Variants in NAV1 observed in about 807,000 individuals in gnomAD.
NAV1 encodes the protein neuron navigator 1, also known as pore membrane and/or filament interacting like protein 3.
A neutral mutation model predicts 175.2 loss-of-function variants in NAV1; 18 were observed. The ratio of observed to expected loss-of-function variants is 0.10; its 90% confidence interval spans 0.07 to 0.15. The LOEUF is 0.15. NAV1 is among the 10% of genes least tolerant of loss of function. The pLI is 1.00. For synonymous variants in NAV1, 897 were observed against 978.7 expected, an observed-to-expected ratio of 0.92 and a Z score of 1.56; for missense variants, 1,731 against 2,436.6, an observed-to-expected ratio of 0.71 and a Z score of 6.10.
chr1:201,567,891 A>G (rs1184722294), intron 1 of NAV1, among the ~76,000 whole-genome samples: 3 of 152,176 alleles, frequency 2.0e-5, no homozygotes, highest in Admixed American at 2.0e-4. Context: ...TCTATGTGGC[A>G]CGGAGCAAGG....
rs377567697 is a variant in NAV1 at position 201,734,473 on chromosome 1, G to A, written c.1226+15718G>A. On this transcript the variant is annotated intron_variant, in intron 3 of 29. Coordinates refer to ENST00000367296, the Ensembl canonical transcript of NAV1. ...AAGAGGAGGAGGAGGAGGAGGAAGAGGAGGAGGAGGAGGAAGAAGGAGAAG... is the reference window on the plus strand; with the variant it reads ...AAGAGGAGGAGGAGGAGGAGGAAGAAGAGGAGGAGGAGGAAGAAGGAGAAG... 8.6e-4 allele frequency among the ~76,000 whole-genome samples: 52 copies of A among 60,722 alleles called. 1 individual carries two copies. The highest frequency in any genetic ancestry group is 2.0e-3 in the Non-Finnish European group (51 of 25,370). The allele number at this position is 60,722 out of a possible 152,430, so 39.8% of individuals were successfully genotyped here.
chr1:201,684,513 C>T (rs1210872100), intron 1 of NAV1, among the ~76,000 whole-genome samples: 1 of 133,234 alleles, frequency 7.5e-6, no homozygotes, highest in Non-Finnish European at 1.5e-5. Flanking sequence ...TCACTCTTGT[C>T]GCCCAGGCTG....
intron 1 of NAV1, among the ~76,000 whole-genome samples, chr1:201,553,409 T>C (rs1219590693): frequency 1.3e-5 from 2 of 152,242 alleles, no homozygotes; most frequent in African/African-American, 4.8e-5. Context: ...ATTTCAGGTC[T>C]AGAGAGAGAA....
rs189995092 is a variant in NAV1, at chr1:201,680,162, G to A, written c.757+30737G>A. 4.7e-3 allele frequency among the ~76,000 whole-genome samples: 721 copies of A among 152,292 alleles called. 6 individuals carry two copies. Among genetic ancestry groups the A allele is most frequent in the Non-Finnish European group, 6.6e-3 (448 of 68,028 alleles). ...CTTTTACTCATGGCAGAAGGTGAAC[G>A]GGGAGCGGGTGTGTCACACGGCAAG... is the stretch of plus-strand genomic sequence containing the variant. On this transcript the variant is annotated intron_variant, in intron 1 of 29. Transcript: ENST00000367296.
intron 1 of NAV1, among the ~76,000 whole-genome samples, chr1:201,712,301 G>A (rs570093691): frequency 6.6e-6 from 1 of 152,324 alleles, no homozygotes; most frequent in South Asian, 2.1e-4. Flanking sequence ...TCTGTGGTCA[G>A]TGACATCAGA....
intron 2 of NAV1, among the ~76,000 whole-genome samples, chr1:201,611,974 T>C (rs1233689607): frequency 6.6e-6 from 1 of 152,150 alleles, no homozygotes. Flanking sequence ...TATGTGTCAG[T>C]GTGTGAGCAC....
At chr1:201,611,509 G>T (rs1247872917) in intron 2 of NAV1, among the ~76,000 whole-genome samples, 2 of 152,200 alleles carry the variant, frequency 1.3e-5, no homozygotes, top group Non-Finnish European at 2.9e-5. Flanking sequence ...CGGAGAGGGG[G>T]CTGTGTGGTG....
chr1:201,607,225 C>T (rs1667710516), intron 2 of NAV1, among the ~76,000 whole-genome samples: 1 of 150,292 alleles, frequency 6.7e-6, no homozygotes, highest in Non-Finnish European at 1.5e-5. Flanking sequence ...AAGCGATTCT[C>T]CTGCCTTAGA....
At position 201,756,808 on chromosome 1, in the gene NAV1, CCTT is replaced by C. The variant is rs1357385176; in HGVS notation, c.1227-23609_1227-23607del. 2.2e-3 allele frequency among the ~76,000 whole-genome samples: 50 copies of C among 22,766 alleles called. 1 individual carries two copies. Among genetic ancestry groups the C allele is most frequent in the African/African-American group, 7.4e-3 (50 of 6,758 alleles). 14.9% of individuals were successfully genotyped at this position (22,766 alleles called of 152,430 possible). ...AATGAGCAATTCTCTTTCTTTCTTT[CCTT>C]CTTTCTTTCTTTCTTTCTTTCTTTC... On this transcript the variant is annotated intron_variant, in intron 3 of 29. Coordinates refer to ENST00000367296, the Ensembl canonical transcript of NAV1.
intron 2 of NAV1, among the ~76,000 whole-genome samples, chr1:201,604,499 T>A (rs1304435517): frequency 6.6e-6 from 1 of 152,122 alleles, no homozygotes; most frequent in East Asian, 1.9e-4. Context: ...CTAGCCAACA[T>A]GGTGAAACCC....
At chr1:201,574,712 T>C (rs1030733830) in intron 1 of NAV1, among the ~76,000 whole-genome samples, 1 of 152,218 alleles carries the variant, frequency 6.6e-6, no homozygotes, top group Non-Finnish European at 1.5e-5. Context: ...CTGTTGCCAC[T>C]GCCAGAAACT....
rs1376378717 is a variant in NAV1, at chr1:201,750,719, C to T, written c.1227-29702C>T. On this transcript the variant is annotated intron_variant, in intron 3 of 29. Coordinates refer to ENST00000367296, the Ensembl canonical transcript of NAV1. The surrounding 1 kb of genome is among the most constrained non-coding windows in gnomAD (Gnocchi z 4.1). Reference sequence around the variant, plus strand: ...ACTCACACCTACCACTTGGTTGATGCCCAGAGGGGCTGTCACCTCCCAATC... The same window carrying T: ...ACTCACACCTACCACTTGGTTGATGTCCAGAGGGGCTGTCACCTCCCAATC... 1.3e-5 allele frequency among the ~76,000 whole-genome samples: 2 copies of T among 151,940 alleles called. No individual in the cohort carries two copies. Among genetic ancestry groups the T allele is most frequent in the African/African-American group, 4.8e-5 (2 of 41,372 alleles).
At chr1:201,556,888 A>G (rs972030974) in intron 1 of NAV1, among the ~76,000 whole-genome samples, 2 of 152,212 alleles carry the variant, frequency 1.3e-5, no homozygotes, top group African/African-American at 4.8e-5. Flanking sequence ...TTCCCCCTGT[A>G]AAAACAGGGG....
At chr1:201,642,525 T>TTTCTTTCTTTCTTTCTTTCTTTC (rs1553247052) in intron 2 of NAV1, among the ~76,000 whole-genome samples, 3,352 of 100,306 alleles carry the variant, frequency 0.033, 216 homozygotes, top group African/African-American at 0.043. Flanking sequence ...TTCTTTCTTT[T>TTTCTTTCTTTCTTTCTTTCTTTC]TTTCTTTCTT....
intron 2 of NAV1, among the ~76,000 whole-genome samples, chr1:201,642,667 C>T (rs186426971): frequency 7.6e-5 from 10 of 132,058 alleles, no homozygotes; most frequent in Admixed American, 3.7e-4. Context: ...CCTTCCCTTC[C>T]TTCCCTCCCT....
intron 1 of NAV1, among the ~76,000 whole-genome samples, chr1:201,568,415 G>A (rs577033732): frequency 1.3e-5 from 2 of 152,224 alleles, no homozygotes; most frequent in Admixed American, 6.5e-5. Context: ...CCGGGGCTGC[G>A]TCCTGAATTC....
intron 11 of NAV1, among the ~76,000 whole-genome samples, chr1:201,790,316 G>A (rs1373531927): frequency 6.6e-6 from 1 of 152,110 alleles, no homozygotes; most frequent in African/African-American, 2.4e-5. Context: ...AGCCTTTTTG[G>A]CAATGACAAA....
At chr1:201,543,293 A>C (rs1172240413) in intron 1 of NAV1, among the ~76,000 whole-genome samples, 1 of 151,646 alleles carries the variant, frequency 6.6e-6, no homozygotes, top group Non-Finnish European at 1.5e-5. Context: ...TGTGTTGAGG[A>C]AATCATCTTC....
In NAV1 at chr1:201,579,096, G is replaced by A. The variant is rs1245820090; in HGVS notation, c.-143-9443G>A. 3.3e-5 allele frequency among the ~76,000 whole-genome samples: 5 copies of A among 151,952 alleles called. No individual in the cohort carries two copies. The Middle Eastern group carries it at 0.01, about 310-fold the overall frequency. ...TGCAGTGAGCCAAGATCACACCGTT[G>A]CACTCTAGCCTGAGCGGCAAGAGCA... On this transcript the variant is annotated intron_variant, in intron 1 of 33. Transcript: ENST00000685211.
Sources: gnomAD v4.1 joint callset for allele counts (sites outside exome capture counted in the v4.1 genomes callset) on GRCh38, gnomAD v4.1.1 for gene constraint, Gnocchi (gnomAD v3.1) non-coding constraint, MANE v1.5 for transcripts, NCBI Gene and HGNC (gene_info 2026-07-23, HGNC 2026-07-21) for gene names.